Variants in CSMD1 observed in about 807,000 individuals in gnomAD.
The protein encoded by CSMD1 is CUB and sushi domain-containing protein 1.
A neutral mutation model predicts 417.5 loss-of-function variants in CSMD1; 213 were observed. That is an observed-to-expected ratio of 0.51 (90% CI 0.46 to 0.57). CSMD1 has a LOEUF of 0.57. Among genes scored for constraint, CSMD1 ranks in the 20% least tolerant of loss-of-function variants. CSMD1 has a pLI of 0.00. For missense variants in CSMD1, 6,923 were observed against 4,529.7 expected (o/e 1.53, Z -15.17); for synonymous variants, 2,862 against 1,736.8 (o/e 1.65, Z -16.11).
chr8:3,736,134 G>C (rs537771617), intron 6 of CSMD1, among the ~76,000 whole-genome samples: 2 of 152,120 alleles, frequency 1.3e-5, no homozygotes, highest in African/African-American at 4.8e-5. Context: ...AATCTTTTCA[G>C]TACTCATAAA....
intron 23 of CSMD1, among the ~76,000 whole-genome samples, chr8:3,341,606 G>T (rs377494027): frequency 2.2e-4 from 33 of 152,268 alleles, no homozygotes; most frequent in East Asian, 7.7e-4. Flanking sequence ...TTGAGAGTGA[G>T]GTCCCAGGAG....
intron 3 of CSMD1, among the ~76,000 whole-genome samples, chr8:4,243,927 A>G (rs1361703330): frequency 6.6e-6 from 1 of 152,198 alleles, no homozygotes; most frequent in Non-Finnish European, 1.5e-5. Flanking sequence ...TTGCTTCCCA[A>G]AGTGACTTCC....
intron 1 of CSMD1, among the ~76,000 whole-genome samples, chr8:4,896,156 G>C (rs1380680132): frequency 6.6e-6 from 1 of 152,100 alleles, no homozygotes. Flanking sequence ...TTAAACATTT[G>C]AAAGATTGTT....
At chr8:3,480,439 C>T (rs1658398099) in intron 11 of CSMD1, among the ~76,000 whole-genome samples, 1 of 152,074 alleles carries the variant, frequency 6.6e-6, no homozygotes. Context: ...AAAACAAATA[C>T]ACATAGAAAA....
intron 1 of CSMD1, among the ~76,000 whole-genome samples, chr8:4,709,484 G>A (rs984408022): frequency 2.6e-5 from 4 of 152,196 alleles, no homozygotes; most frequent in Admixed American, 2.0e-4. Flanking sequence ...AGGAACAGGG[G>A]GAGCCTCATG....
chr8:4,464,489 T>C (rs148932750), intron 2 of CSMD1, among the ~76,000 whole-genome samples: 1 of 152,282 alleles, frequency 6.6e-6, no homozygotes, highest in African/African-American at 2.4e-5. Context: ...TCAAAGCTTA[T>C]TTTATAATAA....
intron 1 of CSMD1, among the ~76,000 whole-genome samples, chr8:4,713,602 TATG>T (rs1163066836): frequency 2.0e-5 from 3 of 152,032 alleles, no homozygotes; most frequent in Non-Finnish European, 4.4e-5. Context: ...GGTTTCACCA[TATG>T]ATAATGCATA....
intron 2 of CSMD1, among the ~76,000 whole-genome samples, chr8:4,421,589 G>A (rs1797250518): frequency 6.6e-6 from 1 of 151,850 alleles, no homozygotes; most frequent in Non-Finnish European, 1.5e-5. Flanking sequence ...AAATAATCCA[G>A]GGGCCAAAGA....
chr8:3,920,286 C>G (rs1484456419), intron 5 of CSMD1, among the ~76,000 whole-genome samples: 1 of 152,026 alleles, frequency 6.6e-6, no homozygotes, highest in Admixed American at 6.6e-5. Flanking sequence ...CCACCCACTT[C>G]AACCTCCCAA....
chr8:4,446,240 C>T (rs144813977), intron 2 of CSMD1, among the ~76,000 whole-genome samples: 2 of 152,162 alleles, frequency 1.3e-5, no homozygotes, highest in African/African-American at 2.4e-5. Flanking sequence ...ACCTTTGGGA[C>T]AGAAGATCAC....
At chr8:3,446,646 T>G (rs1268109918) in intron 12 of CSMD1, among the ~76,000 whole-genome samples, 1 of 152,110 alleles carries the variant, frequency 6.6e-6, no homozygotes, top group African/African-American at 2.4e-5. Context: ...GTTTGGGGAA[T>G]CTAGTTAGGA....
intron 3 of CSMD1, among the ~76,000 whole-genome samples, chr8:4,043,357 G>A (rs1487845257): frequency 5.3e-5 from 8 of 152,114 alleles, no homozygotes; most frequent in African/African-American, 1.7e-4. Context: ...AAAGCAAACT[G>A]CAAGGTGGTA....
chr8:3,592,118 A>G (rs888533806), intron 8 of CSMD1, among the ~76,000 whole-genome samples: 2 of 152,162 alleles, frequency 1.3e-5, no homozygotes, highest in African/African-American at 4.8e-5. Flanking sequence ...ATAGATACAT[A>G]GATGGATAGA....
intron 2 of CSMD1, among the ~76,000 whole-genome samples, chr8:4,605,643 A>G (rs1050061615): frequency 1.3e-5 from 2 of 152,200 alleles, no homozygotes; most frequent in Admixed American, 6.5e-5. Flanking sequence ...TCCTTTTTTA[A>G]AATTATCTTC....
At chr8:4,480,640 C>T (rs1481830588) in intron 2 of CSMD1, among the ~76,000 whole-genome samples, 1 of 152,202 alleles carries the variant, frequency 6.6e-6, no homozygotes, top group Non-Finnish European at 1.5e-5. Flanking sequence ...GGGCCATTCT[C>T]TAAAATAGGC....
At chr8:3,856,570 G>A (rs915104251) in intron 5 of CSMD1, among the ~76,000 whole-genome samples, 3 of 152,152 alleles carry the variant, frequency 2.0e-5, no homozygotes, top group Non-Finnish European at 4.4e-5. Context: ...TGGGGCCTGA[G>A]TATGGCAGAC....
intron 5 of CSMD1, among the ~76,000 whole-genome samples, chr8:3,951,505 C>T (rs1241977737): frequency 6.6e-6 from 1 of 152,076 alleles, no homozygotes; most frequent in Non-Finnish European, 1.5e-5. Flanking sequence ...ACTGGTTGAC[C>T]TGAGCCCCAG....
intron 2 of CSMD1, among the ~76,000 whole-genome samples, chr8:4,433,963 G>C (rs1798010760): frequency 6.6e-6 from 1 of 152,144 alleles, no homozygotes; most frequent in African/African-American, 2.4e-5. Context: ...TTCACTGTGG[G>C]CTCCAGGAAG....
intron 3 of CSMD1, among the ~76,000 whole-genome samples, chr8:4,404,730 T>A (rs748992824): frequency 6.6e-6 from 1 of 152,114 alleles, no homozygotes; most frequent in African/African-American, 2.4e-5. Context: ...TTCCTATTTA[T>A]GTTTAAATTT....
Sources: gnomAD v4.1 joint callset for allele counts (sites outside exome capture counted in the v4.1 genomes callset) on GRCh38, gnomAD v4.1.1 for gene constraint, MANE v1.5 for transcripts, NCBI Gene and HGNC (gene_info 2026-07-23, HGNC 2026-07-21) for gene names.